Variants in MATR3 observed in about 807,000 individuals in gnomAD.
MATR3 encodes the protein matrin-3.
Under a neutral mutation model 85.5 loss-of-function variants are expected in MATR3, and 4 were observed. That is an observed-to-expected ratio of 0.05 (90% CI 0.02 to 0.11). The LOEUF is 0.11. MATR3 is among the 10% of genes least tolerant of loss of function. The pLI, the probability that MATR3 is intolerant of heterozygous loss-of-function variation, is 1.00. For synonymous variants in MATR3, 336 were observed against 343.1 expected, an observed-to-expected ratio of 0.98 and a Z score of 0.23; for missense variants, 685 against 1,016.1, an observed-to-expected ratio of 0.67 and a Z score of 4.43.
intron 9 of MATR3, among the ~76,000 whole-genome samples, chr5:139,320,201 G>A (rs1755484310): frequency 6.6e-6 from 1 of 151,188 alleles, no homozygotes; most frequent in East Asian, 2.0e-4. Context: ...CCCAGCTGTT[G>A]GGGAGGCTGA....
At chr5:139,313,748 A>T (rs1217833377) in intron 2 of MATR3, 1 of 152,192 alleles carries the variant, frequency 6.6e-6, no homozygotes, top group Non-Finnish European at 1.5e-5. Context: ...TAATATTTTG[A>T]TAAATGGGAT....
intron 5 of MATR3, 123 bp downstream of exon 5, chr5:139,316,311 T>C: frequency 1.4e-6 from 1 of 726,472 alleles, no homozygotes; most frequent in Non-Finnish European, 2.4e-6. Context: ...AATGGCACGA[T>C]CTCGACTCAC....
At chr5:139,313,729 A>G (rs1224959785) in intron 2 of MATR3, 3 of 152,176 alleles carry the variant, frequency 2.0e-5, no homozygotes, top group Non-Finnish European at 4.4e-5. Flanking sequence ...GGGAAATACA[A>G]AGGGAGCATA....
At chr5:139,318,451 G>GTT (rs1755368904) in intron 7 of MATR3, among the ~76,000 whole-genome samples, 1 of 151,650 alleles carries the variant, frequency 6.6e-6, no homozygotes, top group African/African-American at 2.4e-5. Context: ...TTGTTCGTTT[G>GTT]TTTTTGTTTT....
intron 1 of MATR3, among the ~76,000 whole-genome samples, chr5:139,297,847 C>G (rs1031221851): frequency 6.6e-6 from 1 of 152,176 alleles, no homozygotes; most frequent in Non-Finnish European, 1.5e-5. Context: ...TTGCTCCCCA[C>G]CCACCAAACC....
intron 3 of MATR3, among the ~76,000 whole-genome samples, chr5:139,281,850 G>A (rs1452279523): frequency 6.6e-6 from 1 of 152,104 alleles, no homozygotes; most frequent in African/African-American, 2.4e-5. Context: ...AAAATAAGGA[G>A]GGTTTCCAAA....
upstream of MATR3, among the ~76,000 whole-genome samples, chr5:139,292,639 TC>T (rs1016798959): frequency 6.6e-6 from 1 of 152,174 alleles, no homozygotes; most frequent in African/African-American, 2.4e-5. Flanking sequence ...CTCGCGGTCC[TC>T]CGCCTCAACG....
At chr5:139,320,257 C>T (rs748681391) in intron 9 of MATR3, among the ~76,000 whole-genome samples, 6 of 151,826 alleles carry the variant, frequency 4.0e-5, no homozygotes, top group East Asian at 3.9e-4. Flanking sequence ...TGCAATGACT[C>T]GAGATTGTGC....
At chr5:139,316,306 C>T (rs1755239647) in intron 5 of MATR3, 118 bp downstream of exon 5, 4 of 752,406 alleles carry the variant, frequency 5.3e-6, no homozygotes, top group South Asian at 1.5e-5. Context: ...AGTGCAATGG[C>T]ACGATCTCGA....
intron 7 of MATR3, among the ~76,000 whole-genome samples, chr5:139,318,237 G>C (rs1404973848): frequency 6.6e-6 from 1 of 152,100 alleles, no homozygotes; most frequent in African/African-American, 2.4e-5. Flanking sequence ...GTGTTCAAGC[G>C]ATTCTCCTAC....
rs1756116444 is a variant in MATR3 at position 139,330,982 on chromosome 5, G to T, written c.*1587G>T. On this transcript the variant is annotated 3_prime_UTR_variant, in exon 15 of 15. Coordinates refer to ENST00000394805, the MANE Select transcript of MATR3 (RefSeq NM_018834.6). ...GTTTTTGGTTTTTTTGTATAGATGG[G>T]GCTTTGCCATGTTGCCCAGGTTGAT... 1 of 453,892 alleles carries T rather than the reference G, an allele frequency of 2.2e-6. No homozygotes were observed. The highest frequency in any genetic ancestry group is 2.0e-5 in the African/African-American group (1 of 49,976). 28.1% of individuals were successfully genotyped at this position (453,892 alleles called of 1,614,324 possible). A position where few individuals can be genotyped will look rare whatever the true frequency, so the allele number is the denominator to read the frequency against.
At chr5:139,319,300 A>G (rs1389279128) in intron 8 of MATR3, 34 bp from the exon 9 acceptor site, 5 of 1,589,200 alleles carry the variant, frequency 3.1e-6, no homozygotes, top group Non-Finnish European at 4.3e-6. Context: ...TAATTATTGC[A>G]CATTTGTCCT....
chr5:139,306,537 T>A (rs1032630001), intron 1 of MATR3, among the ~76,000 whole-genome samples: 1 of 152,158 alleles, frequency 6.6e-6, no homozygotes, highest in African/African-American at 2.4e-5. Flanking sequence ...CTCCTTACTT[T>A]AAAAGACTAG....
At chr5:139,275,166 T>TG (rs1753225552) in intron 1 of MATR3, among the ~76,000 whole-genome samples, 1 of 131,226 alleles carries the variant, frequency 7.6e-6, no homozygotes, top group Admixed American at 7.6e-5. Flanking sequence ...TTTTTTTTTT[T>TG]TTTTGTATTT....
chr5:139,294,309 C>G (rs987275308), intron 1 of MATR3, among the ~76,000 whole-genome samples: 1 of 152,168 alleles, frequency 6.6e-6, no homozygotes, highest in Non-Finnish European at 1.5e-5. Context: ...CCAAATAACC[C>G]GTTCGCCTTT....
At chr5:139,305,493 C>A (rs530093487) in intron 1 of MATR3, among the ~76,000 whole-genome samples, 1 of 152,240 alleles carries the variant, frequency 6.6e-6, no homozygotes, top group South Asian at 2.1e-4. Context: ...CCTGATACTT[C>A]AACATTTTTA....
chr5:139,275,142 ATTTTTTTTTTTT>A (rs750841386), intron 1 of MATR3, among the ~76,000 whole-genome samples: 29 of 40,910 alleles, frequency 7.1e-4, no homozygotes, highest in South Asian at 3.4e-3. Flanking sequence ...CGCCCGGCTA[ATTTTTTTTTTTT>A]TTTTTTTTTT....
chr5:139,287,618 TA>T (rs139718775), intron 3 of MATR3, among the ~76,000 whole-genome samples: 1,952 of 144,070 alleles, frequency 0.014, 45 homozygotes, highest in African/African-American at 0.045. Flanking sequence ...ACTCCGTCTC[TA>T]AAAAAAAAAA....
chr5:139,325,334 A>G, intron 12 of MATR3, 106 bp from the exon 13 acceptor site: 1 of 1,575,716 alleles, frequency 6.3e-7, no homozygotes, highest in Non-Finnish European at 8.6e-7. Context: ...TTGTCACTCT[A>G]GATGAGGTTG....
Sources: gnomAD v4.1 joint callset for allele counts (sites outside exome capture counted in the v4.1 genomes callset) on GRCh38, gnomAD v4.1.1 for gene constraint, MANE v1.5 for transcripts, NCBI Gene and HGNC (gene_info 2026-07-23, HGNC 2026-07-21) for gene names.